EXOC6: variants seen among roughly 807,000 people sequenced by gnomAD.
The protein encoded by EXOC6 is exocyst complex component 6, also known as SEC15-like 1.
EXOC6 carries 60 observed loss-of-function variants against 112.5 expected under a neutral mutation model. The observed-to-expected ratio is 0.53, with a 90% CI of 0.43 to 0.66. EXOC6 has a LOEUF of 0.66. Ranked by LOEUF, EXOC6 falls within the 30% of genes least tolerant of loss-of-function variation. The probability of loss-of-function intolerance (pLI) is 0.00; values close to 1 mark genes in which losing one functional copy is unlikely to be tolerated. For synonymous variants in EXOC6, 295 were observed against 308.0 expected (o/e 0.96, Z 0.44); for missense variants, 855 against 957.1 (o/e 0.89, Z 1.41).
chr10:92,865,228 A>T (rs1848119200), intron 1 of EXOC6, among the ~76,000 whole-genome samples: 1 of 152,038 alleles, frequency 6.6e-6, no homozygotes, highest in Non-Finnish European at 1.5e-5. Context: ...CTGTCCCCTC[A>T]TTGCAGTCAA....
At chr10:92,912,949 G>A (rs987606577) in intron 6 of EXOC6, among the ~76,000 whole-genome samples, 5 of 152,184 alleles carry the variant, frequency 3.3e-5, no homozygotes, top group African/African-American at 1.2e-4. Context: ...GCTTTTCTGG[G>A]ATAGGAATCT....
chr10:92,963,764 A>G (rs1394386504), intron 17 of EXOC6, among the ~76,000 whole-genome samples: 2 of 152,162 alleles, frequency 1.3e-5, no homozygotes, highest in African/African-American at 2.4e-5. Context: ...AAGTGTTGGG[A>G]TTATAGGCGA....
chr10:93,029,647 A>T (rs1255647566), intron 20 of EXOC6, among the ~76,000 whole-genome samples: 1 of 152,178 alleles, frequency 6.6e-6, no homozygotes, highest in Admixed American at 6.5e-5. Context: ...AATGAAATCC[A>T]GTTTATTATT....
At chr10:92,915,143 A>G (rs1015660256) in intron 6 of EXOC6, among the ~76,000 whole-genome samples, 6 of 152,238 alleles carry the variant, frequency 3.9e-5, no homozygotes, top group African/African-American at 1.4e-4. Context: ...TGGCTAATTC[A>G]GGAAGTTGGG....
intron 7 of EXOC6, among the ~76,000 whole-genome samples, chr10:92,917,507 T>TTCA (rs1463569945): frequency 6.6e-6 from 1 of 150,668 alleles, no homozygotes; most frequent in African/African-American, 2.5e-5. Context: ...TATATCCAAA[T>TTCA]TCATTCTCTC....
chr10:92,924,749 A>C (rs1424450969), intron 8 of EXOC6, among the ~76,000 whole-genome samples: 1 of 152,166 alleles, frequency 6.6e-6, no homozygotes, highest in African/African-American at 2.4e-5. Flanking sequence ...TTGTATAGTA[A>C]TGAAGTCTAG....
intron 1 of EXOC6, among the ~76,000 whole-genome samples, chr10:92,880,520 C>T (rs1410524468): frequency 6.6e-6 from 1 of 152,102 alleles, no homozygotes; most frequent in East Asian, 1.9e-4. Context: ...ATCCTCACAG[C>T]ACTTGTGAAT....
At chr10:92,839,777 G>A (rs1286381226) in intron 1 of EXOC6, among the ~76,000 whole-genome samples, 2 of 151,472 alleles carry the variant, frequency 1.3e-5, no homozygotes, top group Non-Finnish European at 2.9e-5. Flanking sequence ...AGCTGAGCCT[G>A]AGATGATAAA....
At chr10:93,005,037 G>C (rs549367920) in intron 19 of EXOC6, among the ~76,000 whole-genome samples, 2 of 152,158 alleles carry the variant, frequency 1.3e-5, no homozygotes, top group Non-Finnish European at 2.9e-5. Flanking sequence ...GGCATTGAGG[G>C]AATACAGTGG....
chr10:92,853,298 A>G (rs1030848921), intron 1 of EXOC6, among the ~76,000 whole-genome samples: 3 of 152,222 alleles, frequency 2.0e-5, no homozygotes, highest in African/African-American at 7.2e-5. Context: ...GGAAGACAGT[A>G]TTGTTAAGAT....
In EXOC6 at chr10:93,059,465, A is replaced by C. The variant is rs1280378809; in HGVS notation, c.*1110A>C. The C allele has an allele frequency of 6.6e-6, 1 of 152,214 alleles. No individual in the cohort carries two copies. Among genetic ancestry groups the C allele is most frequent in the Non-Finnish European group, 1.5e-5 (1 of 68,040 alleles). 9.4% of individuals were successfully genotyped at this position (152,214 alleles called of 1,614,324 possible). A position where few individuals can be genotyped will look rare whatever the true frequency, so the allele number is the denominator to read the frequency against. ...TCTCTGGATTTTGTGATGAAATATTAAAAATATTGAGCAAGTTGTTGAAAA... is the reference window on the plus strand; with the variant it reads ...TCTCTGGATTTTGTGATGAAATATTCAAAATATTGAGCAAGTTGTTGAAAA... On this transcript the variant is annotated 3_prime_UTR_variant, in exon 22 of 22. Transcript: ENST00000260762.
At chr10:92,837,348 AG>A (rs577528554) in intron 1 of EXOC6, among the ~76,000 whole-genome samples, 54 of 152,322 alleles carry the variant, frequency 3.5e-4, no homozygotes, top group Admixed American at 3.0e-3. Flanking sequence ...ATTTCAGCAA[AG>A]AAGAGAAGGA....
chr10:92,843,522 G>A (rs1231758272), upstream of EXOC6, among the ~76,000 whole-genome samples: 1 of 152,206 alleles, frequency 6.6e-6, no homozygotes, highest in Admixed American at 6.5e-5. Context: ...GGTGAGGAGG[G>A]GAATCTTTTT....
intron 1 of EXOC6, among the ~76,000 whole-genome samples, chr10:92,852,548 A>T (rs1847402395): frequency 1.3e-5 from 2 of 152,206 alleles, no homozygotes; most frequent in Admixed American, 1.3e-4. Flanking sequence ...GTATATGTAT[A>T]TATGTGTGTG....
chr10:93,050,473 C>A lies in EXOC6; in HGVS notation c.2170-6451C>A, dbSNP rs568901247. On this transcript the variant is annotated intron_variant, in intron 20 of 21. Coordinates refer to ENST00000260762, the MANE Select transcript of EXOC6 (RefSeq NM_019053.6). ...GGCTGAGGCACAAGAATTGCTTGAA[C>A]CTGAGGCCAGGTGCGGTGGCTCACG... 2.0e-4 allele frequency among the ~76,000 whole-genome samples: 30 copies of A among 149,914 alleles called. 1 individual carries two copies. The East Asian group carries it at 4.9e-3, about 25-fold the overall frequency.
chr10:92,957,102 GTTAC>G (rs1276018319), intron 17 of EXOC6, among the ~76,000 whole-genome samples: 1 of 152,134 alleles, frequency 6.6e-6, no homozygotes, highest in Admixed American at 6.5e-5. Context: ...CAAGTTTTTA[GTTAC>G]TTATTTATCC....
intron 20 of EXOC6, among the ~76,000 whole-genome samples, chr10:93,044,274 A>C (rs1170261068): frequency 6.6e-6 from 1 of 152,228 alleles, no homozygotes; most frequent in Non-Finnish European, 1.5e-5. Flanking sequence ...CTGGAAGTAA[A>C]TGGATAATTA....
chr10:92,992,412 C>G (rs1296648060), intron 18 of EXOC6, among the ~76,000 whole-genome samples: 3 of 151,388 alleles, frequency 2.0e-5, no homozygotes, highest in Non-Finnish European at 4.4e-5. Flanking sequence ...TATTGAGAAT[C>G]AGACATTTCA....
At chr10:93,023,507 G>A (rs772972924) in intron 20 of EXOC6, among the ~76,000 whole-genome samples, 1 of 152,186 alleles carries the variant, frequency 6.6e-6, no homozygotes, top group Non-Finnish European at 1.5e-5. Context: ...CAATGTGGAG[G>A]ATTAGCGGTA....
Sources: allele counts gnomAD v4.1 joint callset (sites outside exome capture counted in the v4.1 genomes callset), GRCh38; gene constraint gnomAD v4.1.1; transcripts MANE v1.5; gene names NCBI Gene and HGNC (gene_info 2026-07-23, HGNC 2026-07-21).